The following C8A variants were observed in gnomAD, a reference collection of about 807,000 sequenced individuals.
C8A encodes complement component C8 alpha chain.
A neutral mutation model predicts 65.3 loss-of-function variants in C8A; 67 were observed. That is an observed-to-expected ratio of 1.03 (90% CI 0.84 to 1.26). The LOEUF is 1.26. Among genes scored for constraint, C8A ranks in the 50% most tolerant of loss-of-function variants. The probability of loss-of-function intolerance (pLI) is 0.00; values close to 1 mark genes in which losing one functional copy is unlikely to be tolerated. For synonymous variants in C8A, 290 were observed against 259.4 expected (o/e 1.12, Z -1.13); for missense variants, 781 against 723.9 (o/e 1.08, Z -0.90).
rs745561807 is a variant in C8A at position 56,876,103 on chromosome 1, G to A, written c.358G>A (p.Asp120Asn). Reference protein sequence around the residue: ...KRHLVCNGDQDCLDGSDEDDC... With the variant: ...KRHLVCNGDQNCLDGSDEDDC... ...CCACCTTGTGTGTAATGGAGACCAG[G>A]ACTGCCTTGATGGCTCTGATGAGGA... is the stretch of plus-strand genomic sequence containing the variant. The change falls in exon 4 of 11, where the codon GAC becomes AAC. Residue 120 changes from aspartate to asparagine, a missense_variant. Physicochemically the swap from Asp to Asn is conservative, Grantham distance 23 (BLOSUM62 1). Coordinates refer to ENST00000361249, the MANE Select transcript of C8A (RefSeq NM_000562.3). The A allele has an allele frequency of 2.5e-6, 4 of 1,613,842 alleles. No homozygotes were observed. In the South Asian group the frequency reaches 3.3e-5, roughly 13 times the overall value.
chr1:56,888,357 C>G (rs2101254121), intron 7 of C8A, among the ~76,000 whole-genome samples: 1 of 152,216 alleles, frequency 6.6e-6, no homozygotes, highest in South Asian at 2.1e-4. Flanking sequence ...AATTCAAATG[C>G]TCTAATGAGT....
intron 9 of C8A, 62 bp from the exon 10 acceptor site, chr1:56,912,341 T>C: frequency 6.6e-7 from 1 of 1,519,072 alleles, no homozygotes; most frequent in Admixed American, 1.7e-5. Context: ...TGGCCGGTTC[T>C]TGGGCTCTGG....
chr1:56,912,682 G>A, intron 10 of C8A, 57 bp downstream of exon 10: 1 of 1,535,086 alleles, frequency 6.5e-7, no homozygotes, highest in Non-Finnish European at 9.0e-7. Context: ...AGGGGCCAGT[G>A]CAAAAAGGAC....
At chr1:56,899,931 G>A (rs1644413786) in intron 7 of C8A, among the ~76,000 whole-genome samples, 1 of 152,208 alleles carries the variant, frequency 6.6e-6, no homozygotes, top group South Asian at 2.1e-4. Context: ...CATAGTCATT[G>A]GACAGGGGTG....
At position 56,906,761 on chromosome 1, in the gene C8A, C is replaced by A. The variant is rs750153067; in HGVS notation, c.1191C>A (p.Asp397Glu). Residue 397 changes from aspartate (D) to glutamate (E), a missense_variant, in exon 8 of 11, where the codon GAC becomes GAA. Coordinates refer to ENST00000361249, the MANE Select transcript of C8A (RefSeq NM_000562.3). ...ATGTTGGTGGAGGTTTATCAGGAGA[C>A]CATTGTAAAAAATTTGGAGGTGGCA... is the stretch of plus-strand genomic sequence containing the variant. ...KINVGGGLSG[D>E]HCKKFGGGKT... 1.4e-5 allele frequency: 22 copies of A among 1,613,918 alleles called. No homozygotes were observed. The highest frequency in any genetic ancestry group is 1.1e-4 in the South Asian group (10 of 91,078).
In C8A at chr1:56,912,459, G is replaced by A; in HGVS notation, c.1437G>A (p.Lys479=). The A allele has an allele frequency of 1.9e-6, 3 of 1,614,232 alleles. No homozygotes were observed. The highest frequency in any genetic ancestry group is 2.5e-6 in the Non-Finnish European group (3 of 1,180,034). Residue 479 remains lysine (K), a synonymous_variant, in exon 10 of 11, where the codon AAG becomes AAA. Transcript: ENST00000361249. The part of the protein sequence containing the change: ...RHTSLGPLEA[K]RQNLRRALDQ... The stretch of plus-strand genomic sequence containing the variant: ...CAAGCCTGGGGCCTCTGGAGGCCAA[G>A]CGCCAGAACCTGCGCCGCGCCTTGG...
chr1:56,861,050 T>A (rs986420817), intron 1 of C8A, among the ~76,000 whole-genome samples: 3 of 152,248 alleles, frequency 2.0e-5, no homozygotes, highest in African/African-American at 7.2e-5. Context: ...CTCATGGTTG[T>A]GCAAGTTGTA....
intron 7 of C8A, among the ~76,000 whole-genome samples, chr1:56,897,267 C>G (rs1644393777): frequency 6.6e-6 from 1 of 152,112 alleles, no homozygotes; most frequent in South Asian, 2.1e-4. Flanking sequence ...AATGTTTAAA[C>G]TGAAAAGCAT....
chr1:56,856,797 T>C (rs905972244), intron 1 of C8A, among the ~76,000 whole-genome samples: 2 of 152,012 alleles, frequency 1.3e-5, no homozygotes, highest in Non-Finnish European at 2.9e-5. Context: ...TATTACATAT[T>C]TTATACAAAT....
chr1:56,876,141 T>C lies in C8A; in HGVS notation c.396T>C (p.Asp132=). 1 of 1,613,942 alleles carries C rather than the reference T, an allele frequency of 6.2e-7. No homozygotes were observed. The highest frequency in any genetic ancestry group is 8.5e-7 in the Non-Finnish European group (1 of 1,179,880). The change falls in exon 4 of 11, where the codon GAT becomes GAC. Residue 132 remains aspartate (D), a synonymous_variant. Coordinates refer to ENST00000361249, the MANE Select transcript of C8A (RefSeq NM_000562.3). ...GCTCTGATGAGGACGACTGTGAAGA[T>C]GTCAGGGCCATTGACGAAGACTGCA... The part of the protein sequence containing the change: ...LDGSDEDDCE[D]VRAIDEDCSQ...
In C8A at chr1:56,888,248, G is replaced by T. The variant is rs7538439; in HGVS notation, c.1096+2081G>T. Among the ~76,000 whole-genome samples the T allele has an allele frequency of 2.0e-5, 3 of 152,196 alleles. No individual in the cohort carries two copies. The South Asian group carries it at 6.2e-4, about 32-fold the overall frequency. On this transcript the variant is annotated intron_variant, in intron 7 of 10. Coordinates refer to ENST00000361249, the MANE Select transcript of C8A (RefSeq NM_000562.3). ...CACTCAACACAGGGGTTAATACATA[G>T]TGTTCAAAACAAGACAGGAAGTTCG...
intron 7 of C8A, among the ~76,000 whole-genome samples, chr1:56,905,341 A>T (rs1644456434): frequency 6.6e-6 from 1 of 152,202 alleles, no homozygotes; most frequent in Non-Finnish European, 1.5e-5. Flanking sequence ...CTTTCCTAGG[A>T]TCATACAGGG....
intron 2 of C8A, among the ~76,000 whole-genome samples, chr1:56,870,684 TCG>T (rs1177621137): frequency 0.02 from 3,086 of 152,030 alleles, 67 homozygotes; most frequent in African/African-American, 0.053. Flanking sequence ...ATTAAATTTT[TCG>T]TATTTATTTC....
At chr1:56,862,326 T>A (rs1644042215) in intron 1 of C8A, among the ~76,000 whole-genome samples, 1 of 151,544 alleles carries the variant, frequency 6.6e-6, no homozygotes, top group South Asian at 2.1e-4. Flanking sequence ...TTTACATCGG[T>A]GTTTCAACTG....
intron 5 of C8A, among the ~76,000 whole-genome samples, chr1:56,881,998 T>C (rs566805385): frequency 7.9e-5 from 12 of 152,268 alleles, no homozygotes; most frequent in African/African-American, 2.9e-4. Context: ...TTTTCTAATC[T>C]GTAGAGTGTG....
At position 56,908,021 on chromosome 1, in the gene C8A, T is replaced by A; in HGVS notation, c.1288T>A (p.Trp430Arg). The A allele has an allele frequency of 6.2e-7, 1 of 1,614,174 alleles. No homozygotes were observed. ...TCGGGTGCGAGGTGGCAGTTCTGGC[T>A]GGAGCGGTGGCTTGGCACAGAACAG... Reference protein sequence around the residue: ...ISRVRGGSSGWSGGLAQNRST... With the variant: ...ISRVRGGSSGRSGGLAQNRST... Residue 430 changes from tryptophan (W) to arginine (R), a missense_variant, in exon 9 of 11, where the codon TGG (tryptophan) becomes AGG (arginine). By Grantham distance (101) the Trp-to-Arg change is moderately radical. Transcript: ENST00000361249.
In C8A at chr1:56,854,988, C is replaced by T. The variant is rs993868280; in HGVS notation, c.77+10C>T. On this transcript the variant is annotated intron_variant, in intron 1 of 10. Transcript: ENST00000361249. ...AGGAGAAGGTGAACCAGTAAGTGGG[C>T]CATATGTCTCTGCAAAACTTGCACG... 4 of 1,607,646 alleles carry T rather than the reference C, an allele frequency of 2.5e-6. No homozygotes were observed. The highest frequency in any genetic ancestry group is 1.7e-6 in the Non-Finnish European group (2 of 1,174,548).
At chr1:56,906,873 T>A (rs1644470667) in intron 8 of C8A, 81 bp downstream of exon 8, 2 of 1,561,706 alleles carry the variant, frequency 1.3e-6, no homozygotes, top group Non-Finnish European at 1.8e-6. Context: ...AAGCTATTTT[T>A]TTTCCCAGTT....
chr1:56,908,187 T>C, intron 9 of C8A, 74 bp downstream of exon 9: 1 of 1,459,092 alleles, frequency 6.9e-7, no homozygotes, highest in Non-Finnish European at 9.6e-7. Context: ...TCATTTCATA[T>C]TTCTTATTAT....
Sources: gnomAD v4.1 joint callset for allele counts (sites outside exome capture counted in the v4.1 genomes callset) on GRCh38, gnomAD v4.1.1 for gene constraint, MANE v1.5 for transcripts, NCBI Gene and HGNC (gene_info 2026-07-23, HGNC 2026-07-21) for gene names.